The following FRYL variants were observed in gnomAD, a reference collection of about 807,000 sequenced individuals.
FRYL encodes the protein protein furry homolog-like.
A neutral mutation model predicts 351.2 loss-of-function variants in FRYL; 150 were observed. That is an observed-to-expected ratio of 0.43 (90% CI 0.37 to 0.49). The LOEUF (loss-of-function observed/expected upper bound fraction) is 0.49. FRYL is among the 20% of genes least tolerant of loss of function. The pLI is 0.00. For missense variants in FRYL, 3,036 were observed against 3,619.3 expected (o/e 0.84, Z 4.13); for synonymous variants, 1,153 against 1,257.1 (o/e 0.92, Z 1.75).
rs568956462 is a variant in FRYL, at chr4:48,580,889, G to A, written c.2235C>T (p.Phe745=). Residue 745 remains phenylalanine (F), a synonymous_variant, in exon 22 of 64, where the codon TTC becomes TTT. Coordinates refer to ENST00000358350, the MANE Select transcript of FRYL (RefSeq NM_015030.2). Reference sequence around the variant, plus strand: ...CCTGATCAGCCCCAGTGAGATGTATGAAGCTCTCAAGAATGGATGGGCTTA... The same window carrying A: ...CCTGATCAGCCCCAGTGAGATGTATAAAGCTCTCAAGAATGGATGGGCTTA... The part of the protein sequence containing the change: ...DRLSPSILES[F]IHLTGADQTT... 2.5e-6 allele frequency: 4 copies of A among 1,611,068 alleles called. No individual in the cohort carries two copies. The highest frequency in any genetic ancestry group is 2.7e-5 in the African/African-American group (2 of 74,982).
intron 46 of FRYL, 103 bp downstream of exon 46, chr4:48,540,250 G>A (rs1729872258): frequency 7.4e-7 from 1 of 1,343,056 alleles, no homozygotes; most frequent in Non-Finnish European, 1.0e-6. Flanking sequence ...TAAAAACTAT[G>A]ACTATTTGCA....
At chr4:48,738,879 A>C (rs1464405889) in intron 1 of FRYL, among the ~76,000 whole-genome samples, 1 of 152,074 alleles carries the variant, frequency 6.6e-6, no homozygotes, top group Non-Finnish European at 1.5e-5. Flanking sequence ...CTCAATGAAA[A>C]TTTCAGGAAG....
intron 3 of FRYL, among the ~76,000 whole-genome samples, chr4:48,670,245 C>T (rs1404006269): frequency 6.6e-6 from 1 of 151,704 alleles, no homozygotes; most frequent in South Asian, 2.1e-4. Context: ...ATCAGTCTGG[C>T]CAACATGGTG....
chr4:48,739,719 T>C (rs1372001331), intron 1 of FRYL, among the ~76,000 whole-genome samples: 1 of 152,196 alleles, frequency 6.6e-6, no homozygotes, highest in Admixed American at 6.5e-5. Flanking sequence ...GTATCACGGT[T>C]TGAATGTCTG....
At chr4:48,713,829 C>T (rs1315937045) in intron 1 of FRYL, among the ~76,000 whole-genome samples, 1 of 152,140 alleles carries the variant, frequency 6.6e-6, no homozygotes, top group Non-Finnish European at 1.5e-5. Context: ...TTTTTTTCAG[C>T]ACCACACCAC....
At chr4:48,596,608 T>TAC (rs1744643195) in intron 13 of FRYL, among the ~76,000 whole-genome samples, 1 of 152,114 alleles carries the variant, frequency 6.6e-6, no homozygotes, top group African/African-American at 2.4e-5. Flanking sequence ...ATATGGTACC[T>TAC]ACCTCAGAGG....
At position 48,540,916 on chromosome 4, in the gene FRYL, T is replaced by A; in HGVS notation, c.5732A>T (p.Asn1911Ile). The A allele has an allele frequency of 1.2e-5, 19 of 1,610,516 alleles. No homozygotes were observed. The highest frequency in any genetic ancestry group is 1.6e-5 in the Non-Finnish European group (19 of 1,177,408). The change falls in exon 46 of 64, where the codon AAC becomes ATC. Residue 1911 changes from asparagine to isoleucine, a missense_variant. By Grantham distance (149) the Asn-to-Ile change is moderately radical. Around this residue, in one of 7 missense-constraint regions of FRYL, gnomAD observed 1,987 missense variants for 2,311.7 expected, o/e 0.86. Transcript: ENST00000358350. ...ATTGAGTTGTCCAGTGCTTTTCCTG[T>A]TAGCTGCATACTTGTTTCCCATTAT... ...DPIMGNKYAANRKSTGQLNLS... is the reference protein window; with the variant it reads ...DPIMGNKYAAIRKSTGQLNLS...
In FRYL at chr4:48,499,431, A is replaced by T; in HGVS notation, c.9033T>A (p.Thr3011=). The change falls in exon 64 of 64, where the codon ACT becomes ACA. Residue 3011 remains threonine, a synonymous_variant. Transcript: ENST00000358350. ...QAKPMGNMVS[T]GF is the part of the protein sequence containing the mutation. ...AAAGGCCTGAAGTGTCTCAGAATCC[A>T]GTGCTCACCATATTTCCCATTGGTT... 6.2e-7 allele frequency: 1 copy of T among 1,614,010 alleles called. No homozygotes were observed. Among genetic ancestry groups the T allele is most frequent in the Non-Finnish European group, 8.5e-7 (1 of 1,179,878 alleles).
At chr4:48,601,445 C>G (rs1010519597) in intron 13 of FRYL, among the ~76,000 whole-genome samples, 2 of 152,190 alleles carry the variant, frequency 1.3e-5, no homozygotes, top group Non-Finnish European at 2.9e-5. Context: ...CCTTCTATCT[C>G]TCACAGTTTT....
At chr4:48,540,218 A>G (rs1303862686) in intron 46 of FRYL, 135 bp downstream of exon 46, 2 of 1,226,300 alleles carry the variant, frequency 1.6e-6, no homozygotes, top group African/African-American at 3.1e-5. Context: ...CTTTTACCAA[A>G]TAATTTAAGC....
chr4:48,740,655 C>A (rs1771949910), intron 1 of FRYL, among the ~76,000 whole-genome samples: 1 of 152,008 alleles, frequency 6.6e-6, no homozygotes, highest in Admixed American at 6.6e-5. Context: ...GGCAAACACA[C>A]ATGCAAAGAG....
chr4:48,725,834 G>A lies in FRYL; in HGVS notation c.-383-15136C>T, dbSNP rs374430365. 1.5e-3 allele frequency among the ~76,000 whole-genome samples: 229 copies of A among 151,620 alleles called. 1 individual carries two copies. The highest frequency in any genetic ancestry group is 4.7e-3 in the African/African-American group (194 of 40,958). ...ACTATTGTTGTTAATCTCTTACTGC[G>A]CCTTATTTAGGAATTAAACTTTATC... is the stretch of plus-strand genomic sequence containing the variant. On this transcript the variant is annotated intron_variant, in intron 1 of 63. Transcript: ENST00000358350.
At chr4:48,655,079 G>C (rs1317706552) in intron 3 of FRYL, among the ~76,000 whole-genome samples, 1 of 152,132 alleles carries the variant, frequency 6.6e-6, no homozygotes, top group African/African-American at 2.4e-5. Flanking sequence ...GCTAGGCACT[G>C]TATCATAAGC....
intron 3 of FRYL, among the ~76,000 whole-genome samples, chr4:48,646,518 G>A (rs1171329056): frequency 1.3e-5 from 2 of 152,112 alleles, no homozygotes; most frequent in Non-Finnish European, 2.9e-5. Flanking sequence ...CAACAGACTA[G>A]GAAGAATAAC....
At chr4:48,743,987 C>G (rs1560344336) in intron 1 of FRYL, among the ~76,000 whole-genome samples, 1 of 152,214 alleles carries the variant, frequency 6.6e-6, no homozygotes, top group East Asian at 1.9e-4. Context: ...TGTGTGTGCA[C>G]TGCACACATA....
chr4:48,672,869 T>C (rs892541234), intron 3 of FRYL, among the ~76,000 whole-genome samples: 1 of 152,240 alleles, frequency 6.6e-6, no homozygotes, highest in Non-Finnish European at 1.5e-5. Context: ...AAGTGGCCTG[T>C]CATGTTATTC....
At chr4:48,581,306 C>A (rs76601306) in intron 21 of FRYL, 114 bp downstream of exon 21, 16 of 834,402 alleles carry the variant, frequency 1.9e-5, no homozygotes, top group Non-Finnish European at 2.9e-5. Flanking sequence ...CAATTGAGAA[C>A]GGTAGGTTAG....
At chr4:48,554,605 C>T (rs1489046247) in intron 35 of FRYL, among the ~76,000 whole-genome samples, 1 of 152,216 alleles carries the variant, frequency 6.6e-6, no homozygotes, top group African/African-American at 2.4e-5. Context: ...TCCCAAAGTG[C>T]TGGGATTACA....
intron 3 of FRYL, among the ~76,000 whole-genome samples, chr4:48,674,564 C>T (rs1763242875): frequency 6.6e-6 from 1 of 151,578 alleles, no homozygotes; most frequent in African/African-American, 2.4e-5. Flanking sequence ...GGTGAAAACC[C>T]ATCTTTACTA....
Sources: allele counts gnomAD v4.1 joint callset (sites outside exome capture counted in the v4.1 genomes callset), GRCh38; gene constraint gnomAD v4.1.1; regional missense constraint gnomAD v4.1.1; transcripts MANE v1.5; gene names NCBI Gene and HGNC (gene_info 2026-07-23, HGNC 2026-07-21).